The following NIBAN2 variants were observed in gnomAD, a reference collection of about 807,000 sequenced individuals.
The protein encoded by NIBAN2 is protein Niban 2.
In NIBAN2, 36 loss-of-function variants were observed where a neutral mutation model predicts 81.8. The ratio of observed to expected loss-of-function variants is 0.44; its 90% confidence interval spans 0.34 to 0.58. The LOEUF (loss-of-function observed/expected upper bound fraction) is 0.58. Among genes scored for constraint, NIBAN2 ranks in the 20% least tolerant of loss-of-function variants. The pLI, the probability that NIBAN2 is intolerant of heterozygous loss-of-function variation, is 0.02. For missense variants in NIBAN2, 897 were observed against 1,014.1 expected (o/e 0.88, Z 1.57); for synonymous variants, 445 against 441.6 (o/e 1.01, Z -0.10).
rs368210642 is a variant in NIBAN2 at position 127,574,842 on chromosome 9, GGTCCGTAGCTTACAGCCT to G, written c.16+4062_16+4079del. Among the ~76,000 whole-genome samples the G allele has an allele frequency of 4.6e-3, 699 of 152,320 alleles. 4 individuals carry two copies. The highest frequency in any genetic ancestry group is 0.015 in the African/African-American group (631 of 41,566). ...TTTATTAACTGTTGGGTGGTGGAAA[GGTCCGTAGCTTACAGCCT>G]GTTCCGTCTGTCACCTGGCCTCAGG... is the stretch of plus-strand genomic sequence containing the variant. On this transcript the variant is annotated intron_variant, in intron 1 of 13. Transcript: ENST00000373314.
chr9:127,508,036 TG>T lies in NIBAN2; in HGVS notation c.1542+56del. On this transcript the variant is annotated intron_variant, in intron 12 of 13. Transcript: ENST00000373312. This position sits in a 1 kb window ranked among gnomAD's most constrained non-coding sequence, Gnocchi z 6.4. ...AGGGCCAAGGGTAGAGGGAGGCCTG[TG>T]GGCTCCATCCCCCAACTTAGGGCCC... 6.2e-7 allele frequency: 1 copy of T among 1,607,392 alleles called. No individual in the cohort carries two copies. Among genetic ancestry groups the T allele is most frequent in the Non-Finnish European group, 8.5e-7 (1 of 1,173,978 alleles).
chr9:127,516,417 C>T (rs932967114), intron 8 of NIBAN2, among the ~76,000 whole-genome samples: 1 of 152,074 alleles, frequency 6.6e-6, no homozygotes, highest in African/African-American at 2.4e-5. Flanking sequence ...TGGTGGCGCG[C>T]GTGTGCCTGT....
In NIBAN2 at chr9:127,507,038, TG is replaced by T; in HGVS notation, c.2047del (p.Gln683SerfsTer70). Reference protein sequence around the residue: ...LNGAPAGESPQPKAAPEASSP... With the variant: ...LNGAPAGESPXPKAAPEASSP... ...GGAGGCCTCGGGGGCGGCCTTAGGC[TG>T]GGGACTCTCCCCAGCGGGGGCCCCG... On this transcript the variant is annotated frameshift_variant, in exon 14 of 14. Coordinates refer to ENST00000373312, the MANE Select transcript of NIBAN2 (RefSeq NM_022833.4). LOFTEE classifies it high-confidence loss of function. This position sits in a 1 kb window ranked among gnomAD's most constrained non-coding sequence, Gnocchi z 6.8. The T allele has an allele frequency of 6.3e-7, 1 of 1,588,078 alleles. No individual in the cohort carries two copies.
chr9:127,549,274 G>T (rs570443293), intron 1 of NIBAN2, among the ~76,000 whole-genome samples: 15 of 152,286 alleles, frequency 9.8e-5, no homozygotes, highest in Admixed American at 2.6e-4. Context: ...TTCTTCCCAA[G>T]TTGCCTCGTG....
rs1203889019 is a variant in NIBAN2, at chr9:127,508,522, A to C, written c.1334T>G (p.Val445Gly). 6.2e-7 allele frequency: 1 copy of C among 1,613,766 alleles called. No homozygotes were observed. The highest frequency in any genetic ancestry group is 1.7e-5 in the Admixed American group (1 of 60,022). ...GTGCAGGAGGGTCTCGAACGTATAC[A>C]CGGCATTGTCCATTTGCTGCAGGGC... Reference protein sequence around the residue: ...IHMREQMDNAVYTFETLLHQE... With the variant: ...IHMREQMDNAGYTFETLLHQE... Residue 445 changes from valine (V) to glycine (G), a missense_variant, in exon 11 of 14, where the codon GTG (valine) becomes GGG (glycine). By Grantham distance (109) the Val-to-Gly change is moderately radical (BLOSUM62 -3). This residue lies in a region of NIBAN2 where 619 missense variants were observed against 691.0 expected (regional missense o/e 0.90). Transcript: ENST00000373312. This position sits in a 1 kb window ranked among gnomAD's most constrained non-coding sequence, Gnocchi z 6.4.
chr9:127,534,825 G>C (rs1170177435), intron 1 of NIBAN2, among the ~76,000 whole-genome samples: 4 of 152,204 alleles, frequency 2.6e-5, no homozygotes, highest in African/African-American at 9.7e-5. Context: ...TCATGAGGCA[G>C]AGAGGGGGCA....
intron 8 of NIBAN2, among the ~76,000 whole-genome samples, chr9:127,511,005 T>A (rs1046315303): frequency 4.9e-4 from 74 of 152,068 alleles, no homozygotes; most frequent in African/African-American, 1.8e-3. Flanking sequence ...CAAAAAGTAA[T>A]TTTTCAGCCC....
At position 127,516,924 on chromosome 9, in the gene NIBAN2, C is replaced by T. The variant is rs763434135; in HGVS notation, c.906G>A (p.Gln302=). The T allele has an allele frequency of 5.0e-6, 8 of 1,614,214 alleles. No homozygotes were observed. The highest frequency in any genetic ancestry group is 6.8e-6 in the Non-Finnish European group (8 of 1,180,032). ...GGTCCATGTCAGTTCGGATGACGGC[C>T]TGCATGGCCGGCTGCACCTGCTGCA... ...SKVQQVQPAM[Q]AVIRTDMDQI... Residue 302 remains glutamine, a synonymous_variant, in exon 8 of 14, where the codon CAG becomes CAA. Coordinates refer to ENST00000373312, the MANE Select transcript of NIBAN2 (RefSeq NM_022833.4).
chr9:127,556,969 G>A (rs1393519425), intron 1 of NIBAN2, among the ~76,000 whole-genome samples: 1 of 152,162 alleles, frequency 6.6e-6, no homozygotes. Context: ...CCCAGCTACT[G>A]GGGAGACTGA....
At chr9:127,558,106 G>A (rs1837707386) in intron 1 of NIBAN2, among the ~76,000 whole-genome samples, 1 of 152,184 alleles carries the variant, frequency 6.6e-6, no homozygotes, top group Non-Finnish European at 1.5e-5. Context: ...GGAGGGGAGT[G>A]TGGCTTTGGC....
chr9:127,524,484 G>A (rs1837022573), intron 4 of NIBAN2, among the ~76,000 whole-genome samples: 1 of 152,194 alleles, frequency 6.6e-6, no homozygotes, highest in Non-Finnish European at 1.5e-5. Flanking sequence ...CCTGTGCTTT[G>A]TAGACACTGA....
In NIBAN2 at chr9:127,523,969, G is replaced by C. The variant is rs113843971; in HGVS notation, c.422-123C>G. ...GCTCAGGCCCAGAGAAGGCCAGCCT[G>C]TCCCAAGGTGACCAGCAAGCCGGCG... On this transcript the variant is annotated intron_variant, in intron 4 of 13. Transcript: ENST00000373312. 6,836 of 1,063,912 alleles carry C rather than the reference G, an allele frequency of 6.4e-3. 283 individuals are homozygous for C. In the African/African-American group the frequency reaches 0.091, roughly 14 times the overall value. 65.9% of individuals were successfully genotyped at this position (1,063,912 alleles called of 1,614,324 possible). A position where few individuals can be genotyped will look rare whatever the true frequency, so the allele number is the denominator to read the frequency against.
At chr9:127,561,546 C>T (rs565459080) in intron 1 of NIBAN2, among the ~76,000 whole-genome samples, 6 of 152,280 alleles carry the variant, frequency 3.9e-5, no homozygotes, top group African/African-American at 9.6e-5. Context: ...AACTTGCCCC[C>T]GAACACCAGT....
chr9:127,573,106 G>A (rs931306781), upstream of NIBAN2, among the ~76,000 whole-genome samples: 1 of 152,186 alleles, frequency 6.6e-6, no homozygotes, highest in African/African-American at 2.4e-5. Flanking sequence ...AGCAATCCTT[G>A]TTCAAACACT....
chr9:127,525,237 C>T, intron 3 of NIBAN2, 74 bp from the exon 4 acceptor site: 6 of 1,138,988 alleles, frequency 5.3e-6, no homozygotes, highest in Non-Finnish European at 7.9e-6. Flanking sequence ...GCTTCAAGGC[C>T]CTACTCAGTG....
chr9:127,551,127 G>A (rs1181811200), intron 1 of NIBAN2, among the ~76,000 whole-genome samples: 2 of 152,190 alleles, frequency 1.3e-5, no homozygotes, highest in Non-Finnish European at 2.9e-5. Context: ...GGTGGCTCAT[G>A]TCTGTAATCC....
At chr9:127,551,563 A>G (rs1222449721) in intron 1 of NIBAN2, among the ~76,000 whole-genome samples, 3 of 151,644 alleles carry the variant, frequency 2.0e-5, no homozygotes, top group Non-Finnish European at 2.9e-5. Flanking sequence ...AAATAAATAC[A>G]AAATTAGCCA....
intron 1 of NIBAN2, among the ~76,000 whole-genome samples, chr9:127,541,796 T>G (rs1837384181): frequency 6.6e-6 from 1 of 152,094 alleles, no homozygotes; most frequent in Admixed American, 6.5e-5. Flanking sequence ...TCAGGGTCCC[T>G]CCATGAGCCA....
intron 4 of NIBAN2, among the ~76,000 whole-genome samples, chr9:127,524,161 A>G (rs181014987): frequency 1.1e-3 from 165 of 152,308 alleles, no homozygotes; most frequent in African/African-American, 3.8e-3. Flanking sequence ...CAGAGCCCCC[A>G]GGTTCAAGGG....
Sources: allele counts gnomAD v4.1 joint callset (sites outside exome capture counted in the v4.1 genomes callset), GRCh38; gene constraint gnomAD v4.1.1; regional missense constraint gnomAD v4.1.1; non-coding constraint Gnocchi (gnomAD v3.1); transcripts MANE v1.5; gene names NCBI Gene and HGNC (gene_info 2026-07-23, HGNC 2026-07-21).